The following DMXL1 variants were observed in gnomAD, a reference collection of about 807,000 sequenced individuals.
DMXL1 encodes Dmx like 1, also known as dmX-like protein 1.
DMXL1 carries 99 observed loss-of-function variants against 319.2 expected under a neutral mutation model. That is an observed-to-expected ratio of 0.31 (90% CI 0.26 to 0.37). The LOEUF (loss-of-function observed/expected upper bound fraction) is 0.37. DMXL1 is among the 10% of genes least tolerant of loss of function. The probability of loss-of-function intolerance (pLI) is 1.00; values close to 1 mark genes in which losing one functional copy is unlikely to be tolerated. For missense variants in DMXL1, 3,745 were observed against 3,595.6 expected, an observed-to-expected ratio of 1.04 and a Z score of -1.06; for synonymous variants, 1,385 against 1,235.2, an observed-to-expected ratio of 1.12 and a Z score of -2.54.
chr5:119,233,119 A>G (rs545149132), intron 38 of DMXL1, among the ~76,000 whole-genome samples: 105 of 152,258 alleles, frequency 6.9e-4, no homozygotes, highest in African/African-American at 2.4e-3. Flanking sequence ...TATGATTTAA[A>G]TGCTCCTATC....
chr5:119,155,075 C>T (rs533126928), intron 19 of DMXL1, among the ~76,000 whole-genome samples: 9 of 152,294 alleles, frequency 5.9e-5, no homozygotes, highest in East Asian at 3.9e-4. Context: ...GATTTCCTTT[C>T]GAAATATTGC....
chr5:119,167,589 AT>A lies in DMXL1; in HGVS notation c.5137-5del, dbSNP rs549404775. 4.0e-4 allele frequency: 611 copies of A among 1,528,108 alleles called. No homozygotes were observed. Among genetic ancestry groups the A allele is most frequent in the Non-Finnish European group, 4.7e-4 (534 of 1,133,858 alleles). The allele number at this position is 1,528,108 out of a possible 1,614,324, so 94.7% of individuals were successfully genotyped here. ...CTGCTCCTGCTTATTTAAAAACAAT[AT>A]TTTTTTTTAAAGGTATGTCTTGAGA... On this transcript the variant is annotated splice_polypyrimidine_tract_variant and intron_variant, in intron 22 of 43. Transcript: ENST00000539542.
Position 119,149,293 on chromosome 5 carries a change from G to A in DMXL1, c.3466G>A (p.Val1156Ile), listed in dbSNP as rs1235180329. ...AGAAGACGGTTCTCATATCCTGACT[G>A]TAGGAATTGGATCAAAACTTTTTAT... ...SREDGSHILT[V>I]GIGSKLFMYG... Residue 1156 changes from valine (V) to isoleucine (I), a missense_variant, in exon 18 of 44, where the codon GTA (valine) becomes ATA (isoleucine). Physicochemically the swap from Val to Ile is conservative, Grantham distance 29. Transcript: ENST00000539542. 2 of 1,613,968 alleles carry A rather than the reference G, an allele frequency of 1.2e-6. No individual in the cohort carries two copies. Among genetic ancestry groups the A allele is most frequent in the Admixed American group, 1.7e-5 (1 of 59,978 alleles).
intron 19 of DMXL1, among the ~76,000 whole-genome samples, chr5:119,159,460 A>AT: frequency 6.6e-6 from 1 of 151,996 alleles, no homozygotes; most frequent in Admixed American, 6.5e-5. Flanking sequence ...CAGATATTTT[A>AT]TTTTTTCATA....
intron 10 of DMXL1, among the ~76,000 whole-genome samples, chr5:119,130,003 C>G (rs962685985): frequency 1.3e-4 from 20 of 152,246 alleles, no homozygotes; most frequent in African/African-American, 4.1e-4. Flanking sequence ...GACTCTGTAG[C>G]CTTTATATGC....
In DMXL1 at chr5:119,133,775, G is replaced by A; in HGVS notation, c.1851G>A (p.Glu617=). ...SLNQWLVSFA[E]ESAFSTVLSI... is the part of the protein sequence containing the mutation. ...ATCAGTGGCTGGTCAGTTTTGCCGA[G>A]GAATCTGCTTTTTCTACTGTTCTCA... The change falls in exon 12 of 44, where the codon GAG becomes GAA. Residue 617 remains glutamate (E), a synonymous_variant. Coordinates refer to ENST00000539542, the MANE Select transcript of DMXL1 (RefSeq NM_001290321.3). 1 of 1,614,150 alleles carries A rather than the reference G, an allele frequency of 6.2e-7. No homozygotes were observed. The highest frequency in any genetic ancestry group is 8.5e-7 in the Non-Finnish European group (1 of 1,180,042).
chr5:119,233,512 G>T (rs1787163813), intron 39 of DMXL1, 45 bp downstream of exon 39: 1 of 1,557,486 alleles, frequency 6.4e-7, no homozygotes. Flanking sequence ...TTGTGTTGGA[G>T]GTTTATAAAT....
chr5:119,126,384 A>T lies in DMXL1; in HGVS notation c.1103-2827A>T, dbSNP rs186843488. Among the ~76,000 whole-genome samples the T allele has an allele frequency of 8.5e-5, 13 of 152,350 alleles. No homozygotes were observed. In the East Asian group the frequency reaches 2.5e-3, roughly 29 times the overall value. ...TATCAAAAAAGTTTGCGTCATAGCA[A>T]TTTATCCTCATTGAAAACCTTGCAG... On this transcript the variant is annotated intron_variant, in intron 9 of 43. Coordinates refer to ENST00000539542, the MANE Select transcript of DMXL1 (RefSeq NM_001290321.3).
At chr5:119,225,979 G>C (rs1025941284) in intron 38 of DMXL1, among the ~76,000 whole-genome samples, 1 of 152,204 alleles carries the variant, frequency 6.6e-6, no homozygotes, top group South Asian at 2.1e-4. Flanking sequence ...CCTATTCTAT[G>C]CAGTCTGGTT....
At chr5:119,078,359 T>A (rs1207009845) in intron 1 of DMXL1, among the ~76,000 whole-genome samples, 1 of 152,202 alleles carries the variant, frequency 6.6e-6, no homozygotes, top group African/African-American at 2.4e-5. Context: ...GCCCTTTTCT[T>A]TTAGAAATGA....
intron 25 of DMXL1, among the ~76,000 whole-genome samples, chr5:119,173,776 G>GTATA (rs758312462): frequency 0.094 from 6,297 of 67,146 alleles, 1,000 homozygotes; most frequent in South Asian, 0.14. Context: ...ATGTGTGTGT[G>GTATA]TATATATATA....
chr5:119,121,783 A>G (rs1463759397), intron 9 of DMXL1, among the ~76,000 whole-genome samples: 12 of 152,168 alleles, frequency 7.9e-5, no homozygotes, highest in Non-Finnish European at 1.2e-4. Flanking sequence ...GCCCGTTCTC[A>G]ATGAGCTGTT....
chr5:119,221,266 A>C (rs1355016842), intron 37 of DMXL1, among the ~76,000 whole-genome samples, 185 bp downstream of exon 37: 1 of 152,176 alleles, frequency 6.6e-6, no homozygotes, highest in Non-Finnish European at 1.5e-5. Flanking sequence ...GTAATAATAA[A>C]TTGTTTTAAA....
intron 4 of DMXL1, among the ~76,000 whole-genome samples, chr5:119,106,644 T>A (rs1239947937): frequency 6.6e-6 from 1 of 152,112 alleles, no homozygotes; most frequent in Non-Finnish European, 1.5e-5. Context: ...CATACAAGAT[T>A]TATGGTTTTG....
At position 119,147,322 on chromosome 5, in the gene DMXL1, G is replaced by T. The variant is rs758215258; in HGVS notation, c.2763G>T (p.Lys921Asn). 1 of 1,613,594 alleles carries T rather than the reference G, an allele frequency of 6.2e-7. No homozygotes were observed. The highest frequency in any genetic ancestry group is 2.2e-5 in the East Asian group (1 of 44,858). ...AACATTATTCTTCTTCTCCAGAGAA[G>T]ATCCTATCTCCTTTTTCACAAAAGT... ...PEEHYSSSPE[K>N]ILSPFSQKYQ... is the part of the protein sequence containing the mutation. Residue 921 changes from lysine to asparagine, a missense_variant, in exon 17 of 44, where the codon AAG (lysine) becomes AAT (asparagine). Around this residue, in one of 4 missense-constraint regions of DMXL1, gnomAD observed 2,096 missense variants for 1,985.4 expected, o/e 1.06. Coordinates refer to ENST00000539542, the MANE Select transcript of DMXL1 (RefSeq NM_001290321.3).
chr5:119,098,129 A>G (rs112069885), intron 2 of DMXL1, 25 bp downstream of exon 2: 2 of 1,592,308 alleles, frequency 1.3e-6, no homozygotes, highest in East Asian at 2.3e-5. Context: ...TCTAATATAC[A>G]AATTTGTTTG....
Position 119,247,150 on chromosome 5 carries a change from G to A in DMXL1, c.9078G>A (p.Met3026Ile). The A allele has an allele frequency of 6.2e-7, 1 of 1,614,104 alleles. No homozygotes were observed. The highest frequency in any genetic ancestry group is 8.5e-7 in the Non-Finnish European group (1 of 1,179,990). The change falls in exon 44 of 44, where the codon ATG (methionine) becomes ATA (isoleucine). Residue 3026 changes from methionine (M) to isoleucine (I), a missense_variant. Around this residue, in one of 4 missense-constraint regions of DMXL1, gnomAD observed 262 missense variants for 320.5 expected, o/e 0.82. Transcript: ENST00000539542. ...FSCGADGTMK[M>I]RILPDQFSPL... ...GTGGAGCTGATGGAACAATGAAAATGAGAATACTGCCAGATCAGTTTAGCC... is the reference window on the plus strand; with the variant it reads ...GTGGAGCTGATGGAACAATGAAAATAAGAATACTGCCAGATCAGTTTAGCC...
intron 43 of DMXL1, among the ~76,000 whole-genome samples, chr5:119,245,954 T>C (rs1381388656): frequency 6.6e-6 from 1 of 151,936 alleles, no homozygotes; most frequent in East Asian, 1.9e-4. Context: ...ATTTAACAAA[T>C]TCATATGCAG....
At chr5:119,188,727 A>G (rs1160396181) in intron 28 of DMXL1, among the ~76,000 whole-genome samples, 1 of 152,264 alleles carries the variant, frequency 6.6e-6, no homozygotes, top group African/African-American at 2.4e-5. Context: ...TAGAATACTA[A>G]TATTTTATTC....
Sources: gnomAD v4.1 joint callset for allele counts (sites outside exome capture counted in the v4.1 genomes callset) on GRCh38, gnomAD v4.1.1 for gene constraint, gnomAD v4.1.1 regional missense constraint, MANE v1.5 for transcripts, NCBI Gene and HGNC (gene_info 2026-07-23, HGNC 2026-07-21) for gene names.